UNC5D: variants seen among roughly 807,000 people sequenced by gnomAD.
UNC5D encodes unc-5 netrin receptor D, also known as netrin receptor UNC5D.
In UNC5D, 39 loss-of-function variants were observed where a neutral mutation model predicts 105.4. That is an observed-to-expected ratio of 0.37 (90% confidence interval 0.29 to 0.48). The LOEUF (loss-of-function observed/expected upper bound fraction) is 0.48, where lower values mean the gene tolerates loss of function less well. Among genes scored for constraint, UNC5D ranks in the 20% least tolerant of loss-of-function variants. The probability of loss-of-function intolerance (pLI) is 0.98; values close to 1 mark genes in which losing one functional copy is unlikely to be tolerated. For synonymous variants in UNC5D, 452 were observed against 450.4 expected (o/e 1.00, Z -0.04); for missense variants, 991 against 1,202.4 (o/e 0.82, Z 2.60).
chr8:35,357,948 A>G (rs1305608646), intron 1 of UNC5D, among the ~76,000 whole-genome samples: 1 of 152,104 alleles, frequency 6.6e-6, no homozygotes, highest in Non-Finnish European at 1.5e-5. Flanking sequence ...AAAAAAAAGC[A>G]GGTAAGATTC....
intron 8 of UNC5D, among the ~76,000 whole-genome samples, chr8:35,709,972 A>G (rs760842131): frequency 6.6e-6 from 1 of 152,186 alleles, no homozygotes; most frequent in Non-Finnish European, 1.5e-5. Context: ...AGTTTGTTAT[A>G]GGTCACTGTA....
chr8:35,363,323 A>G (rs1258313670), intron 1 of UNC5D, among the ~76,000 whole-genome samples: 1 of 151,946 alleles, frequency 6.6e-6, no homozygotes, highest in Non-Finnish European at 1.5e-5. Context: ...AAAAAGTGGA[A>G]CCCCCTAATA....
intron 1 of UNC5D, among the ~76,000 whole-genome samples, chr8:35,365,153 A>T (rs917703591): frequency 6.6e-5 from 10 of 152,110 alleles, no homozygotes; most frequent in African/African-American, 2.4e-4. Context: ...CCTCCTTCCC[A>T]TCCTTTCAGC....
rs781352807 is a variant in UNC5D at position 35,726,318 on chromosome 8, G to A, written c.1470G>A (p.Met490Ile). 1 of 1,614,052 alleles carries A rather than the reference G, an allele frequency of 6.2e-7. No homozygotes were observed. Among genetic ancestry groups the A allele is most frequent in the Non-Finnish European group, 8.5e-7 (1 of 1,179,986 alleles). Residue 490 changes from methionine (M) to isoleucine (I), a missense_variant, in exon 10 of 17, where the codon ATG (methionine) becomes ATA (isoleucine). This residue lies in a region of UNC5D where 944 missense variants were observed against 1,131.6 expected (regional missense o/e 0.83). Transcript: ENST00000404895. Reference protein sequence around the residue: ...DIKVKVQSSFMVSLGVSERAE... With the variant: ...DIKVKVQSSFIVSLGVSERAE... Reference sequence around the variant, plus strand: ...AAGTGAAAGTCCAGAGCTCGTTCATGGTTTCCCTGGGAGTGTCTGAGAGAG... The same window carrying A: ...AAGTGAAAGTCCAGAGCTCGTTCATAGTTTCCCTGGGAGTGTCTGAGAGAG...
At chr8:35,393,271 C>G (rs1411972754) in intron 1 of UNC5D, among the ~76,000 whole-genome samples, 1 of 150,842 alleles carries the variant, frequency 6.6e-6, no homozygotes, top group Non-Finnish European at 1.5e-5. Context: ...GTAGCTGGGA[C>G]TACAGGCGCC....
chr8:35,394,389 C>T (rs905039554), intron 1 of UNC5D, among the ~76,000 whole-genome samples: 3 of 152,044 alleles, frequency 2.0e-5, no homozygotes, highest in African/African-American at 7.2e-5. Context: ...AAGTTGTACA[C>T]TAATGATTTA....
intron 4 of UNC5D, among the ~76,000 whole-genome samples, chr8:35,651,157 G>C (rs1358921959): frequency 6.6e-6 from 1 of 152,180 alleles, no homozygotes; most frequent in Non-Finnish European, 1.5e-5. Flanking sequence ...TCTGATATCT[G>C]TGTATTATTA....
chr8:35,266,726 G>A (rs1207526808), intron 1 of UNC5D, among the ~76,000 whole-genome samples: 2 of 152,306 alleles, frequency 1.3e-5, no homozygotes, highest in African/African-American at 2.4e-5. Context: ...AATGGTTGGG[G>A]CTGGAATCAA....
intron 9 of UNC5D, among the ~76,000 whole-genome samples, chr8:35,725,667 G>T (rs1828819438): frequency 6.6e-6 from 1 of 152,056 alleles, no homozygotes; most frequent in Admixed American, 6.5e-5. Flanking sequence ...AAATGCACTG[G>T]AACCGATGTA....
intron 2 of UNC5D, among the ~76,000 whole-genome samples, chr8:35,557,436 C>G (rs1047510619): frequency 6.6e-6 from 1 of 152,138 alleles, no homozygotes; most frequent in African/African-American, 2.4e-5. Flanking sequence ...ACATTTTTAA[C>G]TTGTTGCTAG....
chr8:35,585,878 G>A (rs1818765480), intron 3 of UNC5D, among the ~76,000 whole-genome samples: 1 of 151,914 alleles, frequency 6.6e-6, no homozygotes, highest in African/African-American at 2.4e-5. Context: ...TATCACTCAG[G>A]GAGACACAGC....
intron 15 of UNC5D, among the ~76,000 whole-genome samples, chr8:35,771,801 G>A (rs1017394818): frequency 3.3e-5 from 5 of 152,144 alleles, no homozygotes; most frequent in Admixed American, 1.3e-4. Flanking sequence ...GAAACAGGGT[G>A]CTATAGTGAA....
intron 4 of UNC5D, among the ~76,000 whole-genome samples, chr8:35,645,815 G>A (rs2131154454): frequency 6.6e-6 from 1 of 152,120 alleles, no homozygotes; most frequent in South Asian, 2.1e-4. Context: ...GGTCCAGATG[G>A]ATGAGACATA....
intron 1 of UNC5D, among the ~76,000 whole-genome samples, chr8:35,506,585 C>A (rs1311303060): frequency 2.0e-5 from 3 of 152,188 alleles, no homozygotes; most frequent in Non-Finnish European, 1.5e-5. Flanking sequence ...CCTGAGGTCA[C>A]AGAGTTAGGG....
chr8:35,437,006 T>A (rs1807061047), intron 1 of UNC5D, among the ~76,000 whole-genome samples: 1 of 142,784 alleles, frequency 7.0e-6, no homozygotes, highest in East Asian at 2.0e-4. Flanking sequence ...TTTTTAGTCA[T>A]TTTTTTTTTC....
Position 35,792,821 on chromosome 8 carries a change from G to C in UNC5D, c.*2258G>C. 2.9e-6 allele frequency: 1 copy of C among 339,180 alleles called. No individual in the cohort carries two copies. Among genetic ancestry groups the C allele is most frequent in the South Asian group, 2.4e-5 (1 of 41,536 alleles). 21.0% of individuals were successfully genotyped at this position (339,180 alleles called of 1,614,324 possible). ...TTCATCTACTCTGTGAATCTACATA[G>C]GTCTTTTTTTTTAGATGTTTGATAC... On this transcript the variant is annotated 3_prime_UTR_variant, in exon 17 of 17. Coordinates refer to ENST00000404895, the MANE Select transcript of UNC5D (RefSeq NM_080872.4).
intron 1 of UNC5D, among the ~76,000 whole-genome samples, chr8:35,360,030 C>T (rs189220879): frequency 7.8e-4 from 119 of 152,270 alleles, no homozygotes; most frequent in African/African-American, 2.7e-3. Flanking sequence ...AGAAGAGTTT[C>T]AGAGTTTCTT....
At chr8:35,425,560 A>G (rs1293513961) in intron 1 of UNC5D, among the ~76,000 whole-genome samples, 3 of 152,188 alleles carry the variant, frequency 2.0e-5, no homozygotes, top group Non-Finnish European at 2.9e-5. Flanking sequence ...GTAAGTGTTT[A>G]TAGAAATGTG....
intron 1 of UNC5D, among the ~76,000 whole-genome samples, chr8:35,526,432 G>A (rs552106762): frequency 6.6e-6 from 1 of 152,140 alleles, no homozygotes; most frequent in Non-Finnish European, 1.5e-5. Flanking sequence ...TTGAAAGCCA[G>A]GCAGATTCCT....
Sources: gnomAD v4.1 joint callset for allele counts (sites outside exome capture counted in the v4.1 genomes callset) on GRCh38, gnomAD v4.1.1 for gene constraint, gnomAD v4.1.1 regional missense constraint, MANE v1.5 for transcripts, NCBI Gene and HGNC (gene_info 2026-07-23, HGNC 2026-07-21) for gene names.